PLAC1: variants seen among roughly 807,000 people sequenced by gnomAD.
The protein encoded by PLAC1 is placenta associated 1, also known as placenta-specific protein 1.
For synonymous variants in PLAC1, 68 were observed against 62.1 expected, an observed-to-expected ratio of 1.09 and a Z score of -0.44; for missense variants, 136 against 163.2, an observed-to-expected ratio of 0.83 and a Z score of 0.91.
At chrX:134,603,816 T>G (rs941776212) in intron 1 of PLAC1, among the ~76,000 whole-genome samples, 8 of 111,753 alleles carry the variant, frequency 7.2e-5, no homozygotes, top group Admixed American at 1.9e-4. Flanking sequence ...GGGGTTGGAC[T>G]ATACGATGTT....
chrX:134,755,913 G>A (rs1439661730), intron 1 of PLAC1, among the ~76,000 whole-genome samples: 2 of 85,440 alleles, frequency 2.3e-5, no homozygotes, highest in Non-Finnish European at 4.3e-5. Flanking sequence ...CCAGGCTGGA[G>A]TGCTCTTGGC....
chrX:134,705,145 G>C (rs1772493839), intron 2 of PLAC1, among the ~76,000 whole-genome samples: 2 of 105,254 alleles, frequency 1.9e-5, no homozygotes, highest in African/African-American at 7.0e-5. Context: ...AATCGGCCAG[G>C]CACGGTGGCT....
chrX:134,574,403 G>T (rs747100412), intron 2 of PLAC1, among the ~76,000 whole-genome samples: 1 of 112,167 alleles, frequency 8.9e-6, no homozygotes, highest in Non-Finnish European at 1.9e-5. Flanking sequence ...CTGGTTATTG[G>T]CTAACCCCTT....
At chrX:134,669,531 G>A (rs1336847904) in intron 2 of PLAC1, among the ~76,000 whole-genome samples, 2 of 112,426 alleles carry the variant, frequency 1.8e-5, no homozygotes, top group African/African-American at 6.5e-5. Flanking sequence ...CACTTGGTGG[G>A]GGAGCACAGA....
intron 1 of PLAC1, among the ~76,000 whole-genome samples, chrX:134,761,406 A>T (rs919718186): frequency 8.9e-6 from 1 of 112,156 alleles, no homozygotes; most frequent in African/African-American, 3.2e-5. Context: ...AAATATTTTC[A>T]GAACCCCCAA....
At chrX:134,648,353 G>T (rs1039695732) in intron 1 of PLAC1, among the ~76,000 whole-genome samples, 5 of 111,423 alleles carry the variant, frequency 4.5e-5, no homozygotes, top group African/African-American at 1.6e-4. Context: ...TAAACGGAAG[G>T]AACCTCATAG....
intron 2 of PLAC1, among the ~76,000 whole-genome samples, chrX:134,567,489 C>T (rs1390855986): frequency 2.7e-5 from 3 of 111,620 alleles, no homozygotes; most frequent in Non-Finnish European, 5.6e-5. Flanking sequence ...AAAGGGGCGG[C>T]TTATGCCCAT....
intron 1 of PLAC1, among the ~76,000 whole-genome samples, chrX:134,744,564 T>C (rs1413134134): frequency 9.0e-6 from 1 of 111,708 alleles, no homozygotes; most frequent in Non-Finnish European, 1.9e-5. Context: ...ATGTTGAGTG[T>C]TTAGCACAGG....
At chrX:134,582,302 C>T (rs187777410) in intron 2 of PLAC1, among the ~76,000 whole-genome samples, 99 of 111,876 alleles carry the variant, frequency 8.8e-4, no homozygotes, top group African/African-American at 3.2e-3. Context: ...AAGTTTAAAT[C>T]CCCAGCCTCT....
At chrX:134,736,016 G>A (rs182987420) in intron 1 of PLAC1, among the ~76,000 whole-genome samples, 5 of 108,446 alleles carry the variant, frequency 4.6e-5, no homozygotes, top group African/African-American at 1.7e-4. Context: ...GGTGGCTCAC[G>A]CCTGTAATTC....
chrX:134,740,366 G>A (rs1332683572), intron 1 of PLAC1, among the ~76,000 whole-genome samples: 1 of 109,473 alleles, frequency 9.1e-6, no homozygotes, highest in Non-Finnish European at 1.9e-5. Flanking sequence ...ACTGCAATGA[G>A]AGTGAATGAT....
rs781482662 is a variant in PLAC1, at chrX:134,637,720, T to C, written c.-131+20608A>G. Reference sequence around the variant, plus strand: ...AAAATTAGCCGGGCATGGTGACACATGCCTGTAATCCCAGCTAGTTGGGAG... The same window carrying C: ...AAAATTAGCCGGGCATGGTGACACACGCCTGTAATCCCAGCTAGTTGGGAG... On this transcript the variant is annotated intron_variant, in intron 1 of 2. Transcript: ENST00000359237. Among the ~76,000 whole-genome samples, 3 of 111,545 alleles carry C rather than the reference T, an allele frequency of 2.7e-5. No homozygotes were observed. In the South Asian group the frequency reaches 1.1e-3, roughly 43 times the overall value.
At chrX:134,721,528 C>T (rs2078657257) in intron 2 of PLAC1, among the ~76,000 whole-genome samples, 1 of 107,848 alleles carries the variant, frequency 9.3e-6, no homozygotes, top group Non-Finnish European at 1.9e-5. Context: ...TGATCGCTGC[C>T]ACTGCACTCC....
intron 2 of PLAC1, among the ~76,000 whole-genome samples, chrX:134,716,408 G>A (rs762315152): frequency 8.9e-6 from 1 of 112,790 alleles, no homozygotes; most frequent in East Asian, 2.8e-4. Flanking sequence ...GATCAGTAGG[G>A]CATGTTATCC....
At chrX:134,630,535 G>C (rs2078256304) in intron 1 of PLAC1, among the ~76,000 whole-genome samples, 1 of 111,665 alleles carries the variant, frequency 9.0e-6, no homozygotes, top group African/African-American at 3.3e-5. Context: ...ATTTTCACAA[G>C]GGGCTCATGA....
chrX:134,639,696 T>C (rs1602865165), intron 1 of PLAC1, among the ~76,000 whole-genome samples: 1 of 112,114 alleles, frequency 8.9e-6, no homozygotes, highest in East Asian at 2.8e-4. Context: ...ATTTCCATCA[T>C]TCCAAAGTAA....
At chrX:134,586,603 A>G (rs1444390958) in intron 2 of PLAC1, among the ~76,000 whole-genome samples, 1 of 109,140 alleles carries the variant, frequency 9.2e-6, no homozygotes, top group Non-Finnish European at 1.9e-5. Flanking sequence ...CTCCAAGGTC[A>G]TCTTGCCGCC....
At chrX:134,737,179 A>G (rs2078705253) in intron 1 of PLAC1, among the ~76,000 whole-genome samples, 2 of 112,476 alleles carry the variant, frequency 1.8e-5, no homozygotes, top group Admixed American at 1.9e-4. Context: ...ATTCCTTCCC[A>G]AGGAAATTCC....
At chrX:134,601,470 T>G (rs754800204) in intron 2 of PLAC1, 11 of 112,112 alleles carry the variant, frequency 9.8e-5, no homozygotes, top group Non-Finnish European at 1.9e-4. Context: ...TTCCTATTAG[T>G]GTTTGAGAAT....
Sources: gnomAD v4.1 joint callset for allele counts (sites outside exome capture counted in the v4.1 genomes callset) on GRCh38, gnomAD v4.1.1 for gene constraint, MANE v1.5 for transcripts, NCBI Gene and HGNC (gene_info 2026-07-23, HGNC 2026-07-21) for gene names.